Variants in USP22 observed in about 807,000 individuals in gnomAD.
The protein encoded by USP22 is ubiquitin carboxyl-terminal hydrolase 22.
In USP22, 22 loss-of-function variants were observed where a neutral mutation model predicts 68.1. The observed-to-expected ratio is 0.32, with a 90% CI of 0.23 to 0.46. The LOEUF (loss-of-function observed/expected upper bound fraction) is 0.46, where lower values mean the gene tolerates loss of function less well. Ranked by LOEUF, USP22 falls within the 20% of genes least tolerant of loss-of-function variation. The pLI, the probability that USP22 is intolerant of heterozygous loss-of-function variation, is 1.00. For missense variants in USP22, 433 were observed against 695.8 expected, an observed-to-expected ratio of 0.62 and a Z score of 4.25; for synonymous variants, 279 against 274.2, an observed-to-expected ratio of 1.02 and a Z score of -0.17.
In USP22 at chr17:21,017,886, TG is replaced by T. The variant is rs907789069; in HGVS notation, c.690+55del. 3 of 1,593,284 alleles carry T rather than the reference TG, an allele frequency of 1.9e-6. No homozygotes were observed. The African/African-American group carries it at 4.1e-5, about 22-fold the overall frequency. ...CATGGTCCACCTTAAATTTTTTTTT[TG>T]AAGGTGAAAACAAAGTAACAGAAAT... On this transcript the variant is annotated intron_variant, in intron 5 of 12. Transcript: ENST00000261497.
At chr17:21,027,842 C>T (rs544766957) in intron 2 of USP22, among the ~76,000 whole-genome samples, 1 of 152,224 alleles carries the variant, frequency 6.6e-6, no homozygotes, top group Non-Finnish European at 1.5e-5. Flanking sequence ...TGGTAGCAGG[C>T]ACCTGTAATC....
chr17:21,031,927 C>T (rs1383966744), intron 1 of USP22, among the ~76,000 whole-genome samples: 1 of 152,216 alleles, frequency 6.6e-6, no homozygotes, highest in Non-Finnish European at 1.5e-5. Flanking sequence ...AGACAACTGG[C>T]GCTAAATACA....
At chr17:21,010,663 CAAAA>C (rs36003717) in intron 8 of USP22, among the ~76,000 whole-genome samples, 1 of 107,548 alleles carries the variant, frequency 9.3e-6, no homozygotes, top group Non-Finnish European at 2.0e-5. Flanking sequence ...AACTCTGTCT[CAAAA>C]AAAAAAAAAA....
chr17:21,042,403 G>C lies in USP22; in HGVS notation c.171+262C>G, dbSNP rs1250055915. Reference sequence around the variant, plus strand: ...AGGAGGGGGAGGGGACAGAGAGGAGGGGGAGGGAAAGGAAGAATGGGGGAA... The same window carrying C: ...AGGAGGGGGAGGGGACAGAGAGGAGCGGGAGGGAAAGGAAGAATGGGGGAA... On this transcript the variant is annotated intron_variant, in intron 1 of 12. Transcript: ENST00000261497. 1.1e-5 allele frequency: 3 copies of C among 264,754 alleles called. No homozygotes were observed. The Admixed American group carries it at 1.6e-4, about 14-fold the overall frequency. The allele number at this position is 264,754 out of a possible 1,614,324, so 16.4% of individuals were successfully genotyped here.
intron 1 of USP22, among the ~76,000 whole-genome samples, chr17:21,030,550 CTT>C (rs1312246182): frequency 1.3e-5 from 2 of 152,234 alleles, no homozygotes; most frequent in African/African-American, 2.4e-5. Context: ...CCTAACCAAA[CTT>C]ATCCCCACCA....
chr17:21,023,379 G>A (rs1401454144), intron 2 of USP22, among the ~76,000 whole-genome samples: 4 of 152,220 alleles, frequency 2.6e-5, no homozygotes, highest in South Asian at 4.2e-4. Context: ...GAAACCCGGC[G>A]TGGTGGCTCA....
chr17:21,030,580 G>C (rs1348984016), intron 1 of USP22, among the ~76,000 whole-genome samples: 2 of 152,220 alleles, frequency 1.3e-5, no homozygotes, highest in African/African-American at 4.8e-5. Context: ...GGCAAGTGCA[G>C]AGAACAACAT....
intron 4 of USP22, among the ~76,000 whole-genome samples, chr17:21,018,710 G>A (rs4133914): frequency 0.75 from 112,809 of 151,268 alleles, 42,513 homozygotes; most frequent in South Asian, 0.82. Flanking sequence ...AAAAGAAAAA[G>A]AAAAAGTTTT....
At chr17:21,037,720 A>G (rs1222224352) in intron 1 of USP22, among the ~76,000 whole-genome samples, 2 of 152,246 alleles carry the variant, frequency 1.3e-5, no homozygotes, top group African/African-American at 2.4e-5. Flanking sequence ...ATAAAAACCA[A>G]TGAGTTCTGA....
intron 7 of USP22, 63 bp downstream of exon 7, chr17:21,012,767 T>C: frequency 2.1e-6 from 3 of 1,435,332 alleles, no homozygotes; most frequent in Non-Finnish European, 2.9e-6. Flanking sequence ...CTCTGGAGAC[T>C]GGGAGGATGT....
chr17:21,034,394 T>C (rs967071547), intron 1 of USP22, among the ~76,000 whole-genome samples: 2 of 152,224 alleles, frequency 1.3e-5, no homozygotes, highest in Non-Finnish European at 2.9e-5. Flanking sequence ...CAGAAGGAAA[T>C]TACGTATGAA....
At chr17:21,015,519 T>A in intron 6 of USP22, 1 of 532,252 alleles carries the variant, frequency 1.9e-6, no homozygotes. Flanking sequence ...ACTGAGGACC[T>A]GTCATACTGC....
chr17:21,036,030 C>CAAAAAAAAAAAAAA (rs35324126), intron 1 of USP22, among the ~76,000 whole-genome samples: 14 of 59,642 alleles, frequency 2.3e-4, no homozygotes, highest in African/African-American at 1.1e-3. Flanking sequence ...GACTCCGTCT[C>CAAAAAAAAAAAAAA]AAAAAAAAAA....
Position 21,000,081 on chromosome 17 carries a change from G to A in USP22, c.*2950C>T, listed in dbSNP as rs566361481. On this transcript the variant is annotated 3_prime_UTR_variant, in exon 13 of 13. Transcript: ENST00000261497. ...GCCATGTGTCTTCCTGGGAGGCACT[G>A]AAAGGCCAGCCAGCATCTCCAAAAT... 20 of 152,332 alleles carry A rather than the reference G, an allele frequency of 1.3e-4. No homozygotes were observed. Among genetic ancestry groups the A allele is most frequent in the African/African-American group, 4.6e-4 (19 of 41,568 alleles). The allele number at this position is 152,332 out of a possible 1,614,324, so 9.4% of individuals were successfully genotyped here.
chr17:21,015,620 G>A, intron 6 of USP22, 132 bp downstream of exon 6: 1 of 1,268,164 alleles, frequency 7.9e-7, no homozygotes, highest in Non-Finnish European at 1.1e-6. Flanking sequence ...ATGACGACAA[G>A]GGCTATGATG....
intron 11 of USP22, 139 bp from the exon 12 acceptor site, chr17:21,004,490 GC>G: frequency 9.2e-7 from 1 of 1,085,388 alleles, no homozygotes; most frequent in East Asian, 2.5e-5. Flanking sequence ...TCAGGCTGAT[GC>G]ACAGGAGGCT....
At chr17:21,040,638 A>C (rs1972415810) in intron 1 of USP22, among the ~76,000 whole-genome samples, 1 of 152,182 alleles carries the variant, frequency 6.6e-6, no homozygotes, top group Admixed American at 6.5e-5. Context: ...TTAGGAAATT[A>C]GGCAAAGTTA....
chr17:21,015,892 G>C lies in USP22; in HGVS notation c.698C>G (p.Ser233Cys), dbSNP rs898057519. 1 of 1,613,986 alleles carries C rather than the reference G, an allele frequency of 6.2e-7. No homozygotes were observed. The highest frequency in any genetic ancestry group is 2.2e-5 in the East Asian group (1 of 44,880). The change falls in exon 6 of 13, where the codon TCT (serine) becomes TGT (cysteine). Residue 233 changes from serine to cysteine, a missense_variant. Ser to Cys is a moderately radical substitution (Grantham distance 112, BLOSUM62 -1). Coordinates refer to ENST00000261497, the MANE Select transcript of USP22 (RefSeq NM_015276.2). The stretch of plus-strand genomic sequence containing the variant: ...CGGGATGTGAGGGGACCGGTGTCCA[G>C]AGTAAAACTGCCAGAGGGCGGGGAA... The part of the protein sequence containing the change: ...EMSSLFQEFY[S>C]GHRSPHIPYK...
At chr17:21,039,876 T>C (rs1972404320) in intron 1 of USP22, among the ~76,000 whole-genome samples, 1 of 152,154 alleles carries the variant, frequency 6.6e-6, no homozygotes, top group South Asian at 2.1e-4. Context: ...AATCATCAGC[T>C]TAAAGTACTT....
Sources: allele counts gnomAD v4.1 joint callset (sites outside exome capture counted in the v4.1 genomes callset), GRCh38; gene constraint gnomAD v4.1.1; transcripts MANE v1.5; gene names NCBI Gene and HGNC (gene_info 2026-07-23, HGNC 2026-07-21).